The following ADRA1A variants were observed in gnomAD, a reference collection of about 807,000 sequenced individuals.
ADRA1A encodes the protein alpha-1A adrenergic receptor.
ADRA1A carries 31 observed loss-of-function variants against 29.6 expected under a neutral mutation model. That is an observed-to-expected ratio of 1.05 (90% CI 0.79 to 1.41). ADRA1A has a LOEUF of 1.41. ADRA1A is among the 40% of genes most tolerant of loss of function. The pLI, the probability that ADRA1A is intolerant of heterozygous loss-of-function variation, is 0.00. For synonymous variants in ADRA1A, 311 were observed against 254.3 expected, an observed-to-expected ratio of 1.22 and a Z score of -2.12; for missense variants, 619 against 601.1, an observed-to-expected ratio of 1.03 and a Z score of -0.31.
chr8:26,788,420 A>C (rs892089725), intron 2 of ADRA1A, among the ~76,000 whole-genome samples: 1 of 152,200 alleles, frequency 6.6e-6, no homozygotes, highest in Non-Finnish European at 1.5e-5. Context: ...CAGAAATTAG[A>C]CATAATTTTT....
exon 3 of ADRA1A, chr8:26,756,402 C>T (rs1302019661): frequency 3.8e-6 from 5 of 1,317,354 alleles, no homozygotes; most frequent in Non-Finnish European, 4.9e-6. Context: ...ATTCCTCACA[C>T]CCTACACGTG....
rs59536491 is a variant in ADRA1A, at chr8:26,816,533, ATGTGTGTGTGTGTG to A, written c.884-45881_884-45868del. 4.5e-3 allele frequency among the ~76,000 whole-genome samples: 671 copies of A among 147,588 alleles called. 9 individuals carry two copies. The highest frequency in any genetic ancestry group is 0.016 in the African/African-American group (636 of 39,990). ...ACAACAAGAGAGGTGCTCATGGTGT[ATGTGTGTGTGTGTG>A]TGTGTGTGTGTGTGTGTGTGTGCAT... On this transcript the variant is annotated intron_variant, in intron 2 of 2. Transcript: ENST00000380573.
chr8:26,806,843 T>C lies in ADRA1A; in HGVS notation c.884-36177A>G, dbSNP rs1809029070. On this transcript the variant is annotated intron_variant, in intron 2 of 2. Transcript: ENST00000380573. The surrounding 1 kb of genome is among the most constrained non-coding windows in gnomAD (Gnocchi z 4.6). Reference sequence around the variant, plus strand: ...CAGCCACACCCTCAGCTTCCCAGAGTGGGTGGGGAGGGGGCTGGCATCTGT... The same window carrying C: ...CAGCCACACCCTCAGCTTCCCAGAGCGGGTGGGGAGGGGGCTGGCATCTGT... Among the ~76,000 whole-genome samples, 1 of 151,648 alleles carries C rather than the reference T, an allele frequency of 6.6e-6. No individual in the cohort carries two copies. The highest frequency in any genetic ancestry group is 1.5e-5 in the Non-Finnish European group (1 of 67,892).
At chr8:26,837,853 A>G (rs1009334016) in intron 2 of ADRA1A, among the ~76,000 whole-genome samples, 2 of 152,216 alleles carry the variant, frequency 1.3e-5, no homozygotes, top group Non-Finnish European at 2.9e-5. Flanking sequence ...CCTCCCATGT[A>G]TGCTCAGAAT....
intron 2 of ADRA1A, among the ~76,000 whole-genome samples, chr8:26,820,975 C>T (rs1810129059): frequency 6.6e-6 from 1 of 152,006 alleles, no homozygotes. Context: ...CTGCAACTTC[C>T]ACCTCCTGGG....
At chr8:26,777,335 T>G (rs1365360025) in intron 2 of ADRA1A, among the ~76,000 whole-genome samples, 2 of 152,202 alleles carry the variant, frequency 1.3e-5, no homozygotes, top group Non-Finnish European at 2.9e-5. Flanking sequence ...TGTCCAGAGA[T>G]ACATTTTCCT....
chr8:26,800,252 C>T (rs372217496), intron 2 of ADRA1A, among the ~76,000 whole-genome samples: 37 of 151,206 alleles, frequency 2.4e-4, no homozygotes, highest in Admixed American at 1.8e-3. Flanking sequence ...GAGTGAGACT[C>T]GGTCTCAAAA....
chr8:26,761,661 G>A (rs1402222685), downstream of ADRA1A, among the ~76,000 whole-genome samples: 11 of 152,234 alleles, frequency 7.2e-5, no homozygotes, highest in Admixed American at 4.6e-4. Flanking sequence ...CCAGAATGGT[G>A]AGGCAATGCA....
rs572498588 is a variant in ADRA1A at position 26,844,204 on chromosome 8, A to G, written c.883+19883T>C. 5.3e-5 allele frequency among the ~76,000 whole-genome samples: 8 copies of G among 152,320 alleles called. No individual in the cohort carries two copies. The East Asian group carries it at 1.2e-3, about 22-fold the overall frequency. On this transcript the variant is annotated intron_variant, in intron 2 of 2. Coordinates refer to ENST00000380573, the MANE Select transcript of ADRA1A (RefSeq NM_000680.4). Reference sequence around the variant, plus strand: ...GAAATATTTCTGCAACACAACGTGTAAAATATAAAATCTACAAATGGACTC... The same window carrying G: ...GAAATATTTCTGCAACACAACGTGTGAAATATAAAATCTACAAATGGACTC...
intron 2 of ADRA1A, among the ~76,000 whole-genome samples, chr8:26,759,024 T>C (rs56857244): frequency 0.025 from 3,740 of 152,350 alleles, 73 homozygotes; most frequent in Admixed American, 0.06. Flanking sequence ...TAAATCATCA[T>C]GGATGCATTA....
intron 2 of ADRA1A, among the ~76,000 whole-genome samples, chr8:26,856,192 C>T (rs1813031393): frequency 6.6e-6 from 1 of 152,196 alleles, no homozygotes; most frequent in Non-Finnish European, 1.5e-5. Context: ...AAGCTTTTCT[C>T]ATAAATCTAA....
downstream of ADRA1A, among the ~76,000 whole-genome samples, chr8:26,765,556 CG>C (rs1433342063): frequency 6.6e-6 from 1 of 152,180 alleles, no homozygotes; most frequent in Non-Finnish European, 1.5e-5. Context: ...TGGAGCTGTG[CG>C]CAGGTGGTTT....
chr8:26,806,470 A>T lies in ADRA1A; in HGVS notation c.884-35804T>A, dbSNP rs1326537120. ...CTCTGGCTCAGTTGAAATGGAATGT[A>T]AGTGCAATGCCAGAGCCTGGTAAAA... On this transcript the variant is annotated intron_variant, in intron 2 of 2. Transcript: ENST00000380573. This position sits in a 1 kb window ranked among gnomAD's most constrained non-coding sequence, Gnocchi z 4.6. Among the ~76,000 whole-genome samples, 1 of 152,096 alleles carries T rather than the reference A, an allele frequency of 6.6e-6. No homozygotes were observed. The highest frequency in any genetic ancestry group is 1.5e-5 in the Non-Finnish European group (1 of 67,972).
Position 26,770,213 on chromosome 8 carries a change from T to G in ADRA1A, c.1337A>C (p.Asn446Thr), listed in dbSNP as rs1406020875. ...GACCTTAATGGTTGGAACTTGATGG[T>G]TCTTGTCAAGGCTGGGGGTTGAGGG... Reference protein sequence around the residue: ...VGPSTPSLDKNHQVPTIKVHT... With the variant: ...VGPSTPSLDKTHQVPTIKVHT... Residue 446 changes from asparagine (N) to threonine (T), a missense_variant, in exon 3 of 3, where the codon AAC (asparagine) becomes ACC (threonine). Coordinates refer to ENST00000380573, the MANE Select transcript of ADRA1A (RefSeq NM_000680.4). 2 of 1,604,006 alleles carry G rather than the reference T, an allele frequency of 1.2e-6. No individual in the cohort carries two copies. The highest frequency in any genetic ancestry group is 2.7e-5 in the African/African-American group (2 of 74,636).
intron 2 of ADRA1A, among the ~76,000 whole-genome samples, chr8:26,863,349 T>C (rs957250800): frequency 1.3e-4 from 20 of 152,324 alleles, no homozygotes; most frequent in African/African-American, 4.6e-4. Context: ...TTATGTGTAC[T>C]GTATTATTTT....
In ADRA1A at chr8:26,848,679, A is replaced by G. The variant is rs1196770162; in HGVS notation, c.883+15408T>C. Among the ~76,000 whole-genome samples the G allele has an allele frequency of 6.6e-6, 1 of 152,110 alleles. No homozygotes were observed. The highest frequency in any genetic ancestry group is 1.5e-5 in the Non-Finnish European group (1 of 68,018). On this transcript the variant is annotated intron_variant, in intron 2 of 2. Coordinates refer to ENST00000380573, the MANE Select transcript of ADRA1A (RefSeq NM_000680.4). This position sits in a 1 kb window ranked among gnomAD's most constrained non-coding sequence, Gnocchi z 4.3. Reference sequence around the variant, plus strand: ...AAGTCTACCGCTTGACATCACACACATCCTCAGGTGTGTGAATGGTTTCAC... The same window carrying G: ...AAGTCTACCGCTTGACATCACACACGTCCTCAGGTGTGTGAATGGTTTCAC...
chr8:26,846,429 C>A (rs184901523), intron 2 of ADRA1A, among the ~76,000 whole-genome samples: 1 of 152,308 alleles, frequency 6.6e-6, no homozygotes, highest in African/African-American at 2.4e-5. Context: ...GTCTAACCCA[C>A]ACAATGCCAG....
rs534057159 is a variant in ADRA1A, at chr8:26,845,798, C to T, written c.883+18289G>A. 7.9e-5 allele frequency among the ~76,000 whole-genome samples: 12 copies of T among 152,286 alleles called. 1 individual carries two copies. The South Asian group carries it at 2.3e-3, about 29-fold the overall frequency. The stretch of plus-strand genomic sequence containing the variant: ...GAAACATACCATAACATGGATGAAG[C>T]TTGATAACATTATGCAAAATGAAGA... On this transcript the variant is annotated intron_variant, in intron 2 of 2. Transcript: ENST00000380573.
chr8:26,833,013 A>T (rs954254111), intron 2 of ADRA1A, among the ~76,000 whole-genome samples: 8 of 152,246 alleles, frequency 5.3e-5, no homozygotes, highest in African/African-American at 1.7e-4. Flanking sequence ...CAGAAGGCAC[A>T]CTGCAGCGCC....
Sources: gnomAD v4.1 joint callset for allele counts (sites outside exome capture counted in the v4.1 genomes callset) on GRCh38, gnomAD v4.1.1 for gene constraint, Gnocchi (gnomAD v3.1) non-coding constraint, MANE v1.5 for transcripts, NCBI Gene and HGNC (gene_info 2026-07-23, HGNC 2026-07-21) for gene names.